The following SAP130 variants were observed in gnomAD, a reference collection of about 807,000 sequenced individuals.
SAP130 encodes Sin3A associated protein 130.
SAP130 carries 16 observed loss-of-function variants against 103.2 expected under a neutral mutation model. The ratio of observed to expected loss-of-function variants is 0.16; its 90% CI spans 0.10 to 0.24. The LOEUF (loss-of-function observed/expected upper bound fraction) is 0.24. Ranked by LOEUF, SAP130 falls within the 10% of genes least tolerant of loss-of-function variation. The pLI, the probability that SAP130 is intolerant of heterozygous loss-of-function variation, is 1.00. For missense variants in SAP130, 990 were observed against 1,359.7 expected, an observed-to-expected ratio of 0.73 and a Z score of 4.28; for synonymous variants, 477 against 497.0, an observed-to-expected ratio of 0.96 and a Z score of 0.53.
At chr2:127,967,361 T>C (rs1233107472) in intron 15 of SAP130, among the ~76,000 whole-genome samples, 1 of 152,184 alleles carries the variant, frequency 6.6e-6, no homozygotes, top group African/African-American at 2.4e-5. Flanking sequence ...ACTGACAGAA[T>C]TAAAGGGAGA....
At chr2:127,967,550 C>T (rs1680746282) in intron 15 of SAP130, among the ~76,000 whole-genome samples, 1 of 152,214 alleles carries the variant, frequency 6.6e-6, no homozygotes. Flanking sequence ...AAGCATCCAC[C>T]ACCATGCGCA....
rs747199615 is a variant in SAP130, at chr2:127,942,182, G to GCAT, written c.3016-21_3016-19dup. 62 of 1,574,172 alleles carry GCAT rather than the reference G, an allele frequency of 3.9e-5. 1 individual carries two copies. The South Asian group carries it at 7.2e-4, about 18-fold the overall frequency. ...ATATTTCCCTGAAACAGAAGACATT[G>GCAT]CATCATCAATCAGTGACCATGAGGA... On this transcript the variant is annotated intron_variant, in intron 20 of 20. Coordinates refer to ENST00000643581, the MANE Select transcript of SAP130 (RefSeq NM_001330301.2). The surrounding 1 kb of genome is among the most constrained non-coding windows in gnomAD (Gnocchi z 4.8).
chr2:128,007,078 G>A (rs1684033439), intron 7 of SAP130, among the ~76,000 whole-genome samples: 4 of 152,214 alleles, frequency 2.6e-5, no homozygotes, highest in Admixed American at 2.6e-4. Context: ...TCAACACAAT[G>A]GAAAAGATAC....
chr2:127,947,764 C>CTG (rs1553500423), intron 18 of SAP130, among the ~76,000 whole-genome samples: 7,606 of 143,310 alleles, frequency 0.053, 412 homozygotes, highest in African/African-American at 0.14. Context: ...TTGTGTGTGT[C>CTG]TGTGTGTGTG....
At chr2:127,988,405 AGAGT>A (rs1682547649) in intron 13 of SAP130, among the ~76,000 whole-genome samples, 1 of 149,006 alleles carries the variant, frequency 6.7e-6, no homozygotes, top group Non-Finnish European at 1.5e-5. Flanking sequence ...GCTGGGCAAC[AGAGT>A]GAGTGAGACC....
At position 127,993,309 on chromosome 2, in the gene SAP130, C is replaced by CTAGA; in HGVS notation, c.1356-5_1356-2dup. ...TTGGAACTGAACGGGAACAGACGGT[C>CTAGA]TAGAGACAGAACAGATGATAGCAAA... is the stretch of plus-strand genomic sequence containing the variant. On this transcript the variant is annotated splice_acceptor_variant, in intron 11 of 20. Transcript: ENST00000643581. LOFTEE classifies it high-confidence loss of function. The CTAGA allele has an allele frequency of 6.2e-7, 1 of 1,610,782 alleles. No individual in the cohort carries two copies. Among genetic ancestry groups the CTAGA allele is most frequent in the South Asian group, 1.1e-5 (1 of 90,440 alleles).
chr2:128,000,135 G>A lies in SAP130; in HGVS notation c.1029C>T (p.Phe343=), dbSNP rs1434679522. The A allele has an allele frequency of 6.2e-7, 1 of 1,614,190 alleles. No individual in the cohort carries two copies. Among genetic ancestry groups the A allele is most frequent in the Non-Finnish European group, 8.5e-7 (1 of 1,180,030 alleles). ...CTGCAGCCACTGGCGTGCCAGTACT[G>A]AAGATTGTTTTCTGTGAGGGAAACC... The part of the protein sequence containing the change: ...QLHTMAQKTI[F]STGTPVAAAT... The change falls in exon 9 of 21, where the codon TTC becomes TTT. Residue 343 remains phenylalanine, a synonymous_variant. Transcript: ENST00000643581.
intron 7 of SAP130, among the ~76,000 whole-genome samples, chr2:128,003,724 T>C (rs1485383324): frequency 7.4e-6 from 1 of 135,036 alleles, no homozygotes; most frequent in Non-Finnish European, 1.6e-5. Context: ...CCCTAATCTG[T>C]TGTCTAATCA....
At chr2:128,011,957 C>A (rs549323418) in intron 6 of SAP130, among the ~76,000 whole-genome samples, 1 of 152,218 alleles carries the variant, frequency 6.6e-6, no homozygotes, top group South Asian at 2.1e-4. Context: ...GGATTACAGG[C>A]ACGCACCACC....
At chr2:127,984,287 C>T (rs1682207658) in intron 14 of SAP130, among the ~76,000 whole-genome samples, 1 of 152,164 alleles carries the variant, frequency 6.6e-6, no homozygotes, top group Non-Finnish European at 1.5e-5. Context: ...GAAGGCATCA[C>T]GGATACTGTT....
intron 11 of SAP130, among the ~76,000 whole-genome samples, chr2:127,993,770 G>A (rs558430296): frequency 2.1e-4 from 32 of 152,168 alleles, no homozygotes; most frequent in African/African-American, 7.5e-4. Context: ...TTAGAGACAG[G>A]GTCTTGCTAT....
intron 7 of SAP130, among the ~76,000 whole-genome samples, chr2:128,004,927 G>A (rs757985665): frequency 2.0e-5 from 3 of 152,134 alleles, no homozygotes; most frequent in Non-Finnish European, 4.4e-5. Context: ...CCAGAATAAA[G>A]CCAATCCAAT....
chr2:127,946,483 G>A (rs758581160), intron 18 of SAP130, among the ~76,000 whole-genome samples: 5 of 152,122 alleles, frequency 3.3e-5, no homozygotes, highest in Non-Finnish European at 7.4e-5. Flanking sequence ...TATATTGATT[G>A]ATACAATCAT....
chr2:127,973,606 A>G (rs1269516876), intron 15 of SAP130, among the ~76,000 whole-genome samples: 7 of 152,214 alleles, frequency 4.6e-5, no homozygotes, highest in Non-Finnish European at 1.0e-4. Flanking sequence ...TAGATATTGC[A>G]AAAGTAAAAC....
intron 3 of SAP130, 117 bp downstream of exon 3, chr2:128,017,563 A>G (rs1162965966): frequency 4.4e-6 from 4 of 902,262 alleles, no homozygotes; most frequent in East Asian, 5.2e-5. Flanking sequence ...CTCATATGTC[A>G]TAAAGAAAAA....
At chr2:128,004,670 T>G (rs1421038893) in intron 7 of SAP130, among the ~76,000 whole-genome samples, 1 of 152,124 alleles carries the variant, frequency 6.6e-6, no homozygotes, top group Non-Finnish European at 1.5e-5. Flanking sequence ...TTCCAAGGGT[T>G]AAAAAGCAAA....
chr2:127,948,192 A>C (rs758881197), intron 18 of SAP130, among the ~76,000 whole-genome samples: 1 of 152,116 alleles, frequency 6.6e-6, no homozygotes, highest in Non-Finnish European at 1.5e-5. Context: ...TTTTTCACTG[A>C]TTCTGCCAAT....
At position 127,950,415 on chromosome 2, in the gene SAP130, T is replaced by C. The variant is rs570994875; in HGVS notation, c.2423-7A>G. 6.8e-6 allele frequency: 11 copies of C among 1,614,016 alleles called. No homozygotes were observed. The Admixed American group carries it at 1.5e-4, about 22-fold the overall frequency. ...GTAGCCAGTGGAGGAACTGCTGTCA[T>C]AGGAAAAGGAGCACACATATCTGTA... On this transcript the variant is annotated splice_region_variant and splice_polypyrimidine_tract_variant and intron_variant, in intron 16 of 20. Transcript: ENST00000643581.
chr2:127,994,160 G>A (rs1447190537), intron 11 of SAP130, among the ~76,000 whole-genome samples: 1 of 152,100 alleles, frequency 6.6e-6, no homozygotes, highest in East Asian at 1.9e-4. Flanking sequence ...AAAATTAAAA[G>A]AGAACAATAA....
Sources: allele counts gnomAD v4.1 joint callset (sites outside exome capture counted in the v4.1 genomes callset), GRCh38; gene constraint gnomAD v4.1.1; non-coding constraint Gnocchi (gnomAD v3.1); transcripts MANE v1.5; gene names NCBI Gene and HGNC (gene_info 2026-07-23, HGNC 2026-07-21).